The following LIPF variants were observed in gnomAD, a reference collection of about 807,000 sequenced individuals.
LIPF encodes gastric triacylglycerol lipase.
A neutral mutation model predicts 38.0 loss-of-function variants in LIPF; 25 were observed. The observed-to-expected ratio is 0.66, with a 90% CI of 0.48 to 0.92. The LOEUF (loss-of-function observed/expected upper bound fraction) is 0.92, where lower values mean the gene tolerates loss of function less well. LIPF is among the 40% of genes least tolerant of loss of function. LIPF has a pLI of 0.00. For synonymous variants in LIPF, 161 were observed against 156.2 expected, an observed-to-expected ratio of 1.03 and a Z score of -0.23; for missense variants, 410 against 469.9, an observed-to-expected ratio of 0.87 and a Z score of 1.18.
intron 9 of LIPF, among the ~76,000 whole-genome samples, chr10:88,676,965 G>A (rs1166718029): frequency 3.3e-5 from 5 of 152,174 alleles, no homozygotes; most frequent in Non-Finnish European, 7.4e-5. Flanking sequence ...CTCAGGGTAA[G>A]CTCTCGGGTT....
rs1841721198 is a variant in LIPF at position 88,678,451 on chromosome 10, C to T, written c.967C>T (p.Pro323Ser). 3.1e-6 allele frequency: 5 copies of T among 1,612,852 alleles called. No individual in the cohort carries two copies. Among genetic ancestry groups the T allele is most frequent in the Non-Finnish European group, 4.2e-6 (5 of 1,178,852 alleles). The change falls in exon 10 of 10, where the codon CCT becomes TCT. Residue 323 changes from proline (P) to serine (S), a missense_variant. Pro to Ser is a moderately conservative substitution (Grantham distance 74). Transcript: ENST00000238983. Reference protein sequence around the residue: ...QNRMHYDQSQPPYYNVTAMNV... With the variant: ...QNRMHYDQSQSPYYNVTAMNV... ...TTTCTCTTGTGTTTTCTAGTCCCAACCTCCCTACTACAATGTGACAGCCAT... is the reference window on the plus strand; with the variant it reads ...TTTCTCTTGTGTTTTCTAGTCCCAATCTCCCTACTACAATGTGACAGCCAT...
chr10:88,669,073 G>T, intron 4 of LIPF: 1 of 237,102 alleles, frequency 4.2e-6, no homozygotes, highest in Non-Finnish European at 8.3e-6. Context: ...GGATTCAAGA[G>T]AGAAGTAAAA....
chr10:88,678,465 T>C lies in LIPF; in HGVS notation c.981T>C (p.Asn327=), dbSNP rs766878985. 1.8e-5 allele frequency: 29 copies of C among 1,613,860 alleles called. No individual in the cohort carries two copies. Among genetic ancestry groups the C allele is most frequent in the Admixed American group, 1.2e-4 (7 of 60,006 alleles). Residue 327 remains asparagine (N), a synonymous_variant, in exon 10 of 10, where the codon AAT becomes AAC. Transcript: ENST00000238983. ...HYDQSQPPYY[N]VTAMNVPIAV... is the part of the protein sequence containing the mutation. ...TCTAGTCCCAACCTCCCTACTACAA[T>C]GTGACAGCCATGAATGTACCAATTG...
chr10:88,674,244 T>C (rs17333880), intron 7 of LIPF, among the ~76,000 whole-genome samples: 466 of 152,196 alleles, frequency 3.1e-3, no homozygotes, highest in Middle Eastern at 0.024. Flanking sequence ...TCTCGGCTCA[T>C]AGCAAGCTCC....
chr10:88,675,914 T>C (rs776760118), intron 8 of LIPF, among the ~76,000 whole-genome samples: 16 of 152,202 alleles, frequency 1.1e-4, no homozygotes, highest in Non-Finnish European at 1.8e-4. Context: ...ACATGTGCCA[T>C]GTTGGTGTGC....
intron 9 of LIPF, among the ~76,000 whole-genome samples, chr10:88,678,148 C>A (rs902618528): frequency 3.3e-5 from 5 of 152,198 alleles, no homozygotes; most frequent in Non-Finnish European, 7.3e-5. Context: ...GAGCCAATGG[C>A]ATCAGCATCA....
chr10:88,675,263 T>C (rs1470902772), intron 7 of LIPF, among the ~76,000 whole-genome samples: 1 of 152,222 alleles, frequency 6.6e-6, no homozygotes, highest in African/African-American at 2.4e-5. Context: ...GAATTTAGAC[T>C]CAGAGACCCA....
At chr10:88,675,475 T>C (rs1463055863) in intron 7 of LIPF, 111 bp from the exon 8 acceptor site, 2 of 799,198 alleles carry the variant, frequency 2.5e-6, no homozygotes, top group Non-Finnish European at 4.1e-6. Context: ...TTCCAGTAAA[T>C]GCTACCTTTA....
rs374453300 is a variant in LIPF, at chr10:88,671,952, A to G, written c.656A>G (p.Gln219Arg). ...SLINKLRFVP[Q>R]SLFKFIFGDK... ...ATAAACAAACTTAGATTTGTTCCTC[A>G]ATCCCTCTTCAAGGTATGCAATTCT... Residue 219 changes from glutamine (Q) to arginine (R), a missense_variant, in exon 6 of 10, where the codon CAA (glutamine) becomes CGA (arginine). Coordinates refer to ENST00000238983, the MANE Select transcript of LIPF (RefSeq NM_004190.4). The G allele has an allele frequency of 3.1e-6, 5 of 1,611,066 alleles. No individual in the cohort carries two copies. In the African/African-American group the frequency reaches 5.3e-5, roughly 17 times the overall value.
In LIPF at chr10:88,676,298, G is replaced by A; in HGVS notation, c.960+18G>A. 1 of 1,482,162 alleles carries A rather than the reference G, an allele frequency of 6.7e-7. No individual in the cohort carries two copies. The highest frequency in any genetic ancestry group is 1.2e-5 in the South Asian group (1 of 83,470). The allele number at this position is 1,482,162 out of a possible 1,614,324, so 91.8% of individuals were successfully genotyped here. ...ATGATCAGGTAAGCTTCTTAAAGAT[G>A]GAATTATTCACATTTTGAACAACAA... On this transcript the variant is annotated intron_variant, in intron 9 of 9. Coordinates refer to ENST00000238983, the MANE Select transcript of LIPF (RefSeq NM_004190.4).
chr10:88,669,343 A>C, intron 4 of LIPF: 1 of 157,848 alleles, frequency 6.3e-6, no homozygotes, highest in Non-Finnish European at 1.4e-5. Flanking sequence ...AGGGAAAATG[A>C]CATGAGTGAA....
intron 8 of LIPF, among the ~76,000 whole-genome samples, chr10:88,675,897 T>C (rs1009636325): frequency 1.3e-5 from 2 of 152,200 alleles, no homozygotes; most frequent in African/African-American, 2.4e-5. Flanking sequence ...GTTTGTTACA[T>C]ATGTATACAT....
intron 3 of LIPF, 103 bp downstream of exon 3, chr10:88,667,789 G>A (rs921041864): frequency 1.7e-6 from 1 of 592,358 alleles, no homozygotes; most frequent in South Asian, 2.7e-5. Context: ...TCCTTCTTTT[G>A]TTCTTCCCTT....
Position 88,678,723 on chromosome 10 carries a change from T to G in LIPF, c.*42T>G, listed in dbSNP as rs764281032. ...TTATCCGTTTGTTTTTCCAAAATAC[T>G]TTATTCTCTCATACATAGTATTTTC... On this transcript the variant is annotated 3_prime_UTR_variant, in exon 10 of 10. Transcript: ENST00000238983. 11 of 1,310,750 alleles carry G rather than the reference T, an allele frequency of 8.4e-6. No homozygotes were observed. The South Asian group carries it at 1.3e-4, about 16-fold the overall frequency. The allele number at this position is 1,310,750 out of a possible 1,614,324, so 81.2% of individuals were successfully genotyped here.
rs1841728548 is a variant in LIPF, at chr10:88,678,745, T to A, written c.*64T>A. The A allele has an allele frequency of 6.2e-5, 67 of 1,081,028 alleles. 6 individuals are homozygous for A. The South Asian group carries it at 8.8e-4, about 14-fold the overall frequency. 67.0% of individuals were successfully genotyped at this position (1,081,028 alleles called of 1,614,324 possible). A position where few individuals can be genotyped will look rare whatever the true frequency, so the allele number is the denominator to read the frequency against. On this transcript the variant is annotated 3_prime_UTR_variant, in exon 10 of 10. Transcript: ENST00000238983. ...TACTTTATTCTCTCATACATAGTAT[T>A]TTCATAATGTTTGACATGCAGTGCT...
intron 5 of LIPF, 95 bp downstream of exon 5, chr10:88,670,041 C>T (rs1205527671): frequency 4.1e-6 from 3 of 735,442 alleles, no homozygotes; most frequent in African/African-American, 3.5e-5. Context: ...TAATTGCTTT[C>T]CATTCATTTA....
chr10:88,673,479 A>G (rs1443264020), intron 6 of LIPF, 109 bp from the exon 7 acceptor site: 1 of 839,100 alleles, frequency 1.2e-6, no homozygotes, highest in African/African-American at 1.7e-5. Context: ...TGTAAGAATA[A>G]GAATATATCA....
intron 5 of LIPF, 58 bp downstream of exon 5, chr10:88,670,004 T>TTA (rs1841571228): frequency 9.0e-7 from 1 of 1,110,458 alleles, no homozygotes; most frequent in African/African-American, 1.5e-5. Context: ...TTCCCAGTGG[T>TTA]TATGGTAGGC....
At chr10:88,665,171 C>T (rs1403443470) in intron 1 of LIPF, among the ~76,000 whole-genome samples, 1 of 152,242 alleles carries the variant, frequency 6.6e-6, no homozygotes, top group Admixed American at 6.5e-5. Context: ...TTTAGCCTTA[C>T]CTTGCTTATT....
Sources: gnomAD v4.1 joint callset for allele counts (sites outside exome capture counted in the v4.1 genomes callset) on GRCh38, gnomAD v4.1.1 for gene constraint, MANE v1.5 for transcripts, NCBI Gene and HGNC (gene_info 2026-07-23, HGNC 2026-07-21) for gene names.